The following ZNF425 variants were observed in gnomAD, a reference collection of about 807,000 sequenced individuals.
ZNF425 encodes zinc finger protein 425.
ZNF425 carries 21 observed loss-of-function variants against 17.0 expected under a neutral mutation model. That is an observed-to-expected ratio of 1.23 (90% confidence interval 0.88 to 1.78). ZNF425 has a LOEUF of 1.78. Among genes scored for constraint, ZNF425 ranks in the 40% most tolerant of loss-of-function variants. ZNF425 has a pLI of 0.00. For synonymous variants in ZNF425, 433 were observed against 384.1 expected (o/e 1.13, Z -1.49); for missense variants, 868 against 967.3 (o/e 0.90, Z 1.36).
Position 149,123,952 on chromosome 7 carries a change from A to C in ZNF425, c.18+2244T>G, listed in dbSNP as rs1381032723. On this transcript the variant is annotated intron_variant, in intron 1 of 3. Coordinates refer to ENST00000378061, the MANE Select transcript of ZNF425 (RefSeq NM_001001661.3). Reference sequence around the variant, plus strand: ...AAGCTCCGCCTCCCGGGTTCACGCCATTCTCCTGACTCAGCCTCCCGAGTA... The same window carrying C: ...AAGCTCCGCCTCCCGGGTTCACGCCCTTCTCCTGACTCAGCCTCCCGAGTA... Among the ~76,000 whole-genome samples, 3 of 137,182 alleles carry C rather than the reference A, an allele frequency of 2.2e-5. No homozygotes were observed. The Admixed American group carries it at 2.3e-4, about 11-fold the overall frequency. The allele number at this position is 137,182 out of a possible 152,430, so 90.0% of individuals were successfully genotyped here.
At chr7:149,122,243 A>G (rs1418845621) in intron 1 of ZNF425, among the ~76,000 whole-genome samples, 1 of 150,018 alleles carries the variant, frequency 6.7e-6, no homozygotes, top group East Asian at 2.0e-4. Context: ...TCTTTTGCCC[A>G]TTTTCTAATT....
chr7:149,110,740 C>T (rs984420110), intron 3 of ZNF425, among the ~76,000 whole-genome samples: 8 of 150,974 alleles, frequency 5.3e-5, no homozygotes. Flanking sequence ...ATGGACATGA[C>T]AGTGTGACAA....
At chr7:149,125,395 C>T (rs962994305) in intron 1 of ZNF425, among the ~76,000 whole-genome samples, 1 of 152,178 alleles carries the variant, frequency 6.6e-6, no homozygotes, top group Non-Finnish European at 1.5e-5. Context: ...ACGGTAAATT[C>T]GATTTACGCT....
chr7:149,124,611 G>A (rs1345240107), intron 1 of ZNF425, among the ~76,000 whole-genome samples: 2 of 151,962 alleles, frequency 1.3e-5, no homozygotes, highest in Non-Finnish European at 1.5e-5. Flanking sequence ...GCACGATCTC[G>A]GCTCACTTCA....
intron 1 of ZNF425, among the ~76,000 whole-genome samples, chr7:149,123,667 G>A (rs1446220223): frequency 2.0e-5 from 3 of 152,008 alleles, no homozygotes; most frequent in African/African-American, 7.2e-5. Context: ...GAGTAGTTGG[G>A]TTTACAGGAG....
At chr7:149,126,134 A>G (rs370530256) in intron 1 of ZNF425, 62 bp downstream of exon 1, 2 of 1,610,942 alleles carry the variant, frequency 1.2e-6, no homozygotes, top group East Asian at 2.2e-5. Context: ...GCGGACCCCA[A>G]TCCAGCTGCG....
intron 3 of ZNF425, among the ~76,000 whole-genome samples, chr7:149,106,649 T>C (rs541369231): frequency 3.9e-4 from 59 of 152,304 alleles, no homozygotes; most frequent in Non-Finnish European, 7.5e-4. Flanking sequence ...TTATATTCTT[T>C]TCACCATGTG....
intron 1 of ZNF425, among the ~76,000 whole-genome samples, chr7:149,122,977 T>G (rs1362559735): frequency 6.6e-6 from 1 of 152,142 alleles, no homozygotes; most frequent in African/African-American, 2.4e-5. Context: ...TTTACAGGTG[T>G]GAGCTACCAC....
Position 149,105,371 on chromosome 7 carries a change from T to C in ZNF425, c.500A>G (p.Lys167Arg), listed in dbSNP as rs369914259. 8.7e-6 allele frequency: 14 copies of C among 1,612,010 alleles called. No homozygotes were observed. Among genetic ancestry groups the C allele is most frequent in the Non-Finnish European group, 1.1e-5 (13 of 1,179,342 alleles). The part of the protein sequence containing the change: ...KVSITAYDPD[K>R]KDLRHKPRET... ...CCGAGGCTTATGCCGCAGGTCTTTCTTGTCTGGATCATATGCTGTGATGCT... is the reference window on the plus strand; with the variant it reads ...CCGAGGCTTATGCCGCAGGTCTTTCCTGTCTGGATCATATGCTGTGATGCT... Residue 167 changes from lysine (K) to arginine (R), a missense_variant, in exon 4 of 4, where the codon AAG (lysine) becomes AGG (arginine). Lys to Arg is a conservative substitution (Grantham distance 26, BLOSUM62 2). Transcript: ENST00000378061.
chr7:149,120,470 T>C (rs1330448378), intron 1 of ZNF425, among the ~76,000 whole-genome samples: 2 of 152,118 alleles, frequency 1.3e-5, no homozygotes, highest in African/African-American at 4.8e-5. Flanking sequence ...ATAATGTCCT[T>C]GAGATCCATC....
chr7:149,121,156 G>T (rs28817305), intron 1 of ZNF425, among the ~76,000 whole-genome samples: 1,958 of 10,110 alleles, frequency 0.19, 235 homozygotes, highest in East Asian at 1. Context: ...TGCAGTGGCG[G>T]GATCTCGGCT....
At position 149,104,170 on chromosome 7, in the gene ZNF425, G is replaced by T; in HGVS notation, c.1701C>A (p.Ala567=). The T allele has an allele frequency of 6.2e-7, 1 of 1,612,572 alleles. No homozygotes were observed. Among genetic ancestry groups the T allele is most frequent in the South Asian group, 1.1e-5 (1 of 91,004 alleles). Residue 567 remains alanine, a synonymous_variant, in exon 4 of 4, where the codon GCC becomes GCA. Coordinates refer to ENST00000378061, the MANE Select transcript of ZNF425 (RefSeq NM_001001661.3). The surrounding 1 kb of genome is among the most constrained non-coding windows in gnomAD (Gnocchi z 4.3). ...PECDKSFSWK[A]SMKFHQRMHR... ...GCATCCGCTGGTGGAACTTCATGGA[G>T]GCCTTCCAGGAGAAGCTCTTGTCGC...
At chr7:149,125,241 G>A (rs1826440901) in intron 1 of ZNF425, among the ~76,000 whole-genome samples, 1 of 152,106 alleles carries the variant, frequency 6.6e-6, no homozygotes, top group South Asian at 2.1e-4. Flanking sequence ...TTTCATTGGG[G>A]GCACAAGAAA....
chr7:149,112,102 A>G (rs982695172), intron 3 of ZNF425, 35 bp downstream of exon 3: 1 of 1,592,516 alleles, frequency 6.3e-7, no homozygotes, highest in Non-Finnish European at 8.6e-7. Context: ...CTAGGAAAAT[A>G]AAATAATTCA....
At chr7:149,123,789 C>T (rs1238910169) in intron 1 of ZNF425, among the ~76,000 whole-genome samples, 3 of 151,388 alleles carry the variant, frequency 2.0e-5, no homozygotes, top group South Asian at 4.2e-4. Flanking sequence ...GCCTCGGCCT[C>T]CCAAAGTGCT....
At chr7:149,112,046 A>T in intron 3 of ZNF425, 91 bp downstream of exon 3, 1 of 1,355,718 alleles carries the variant, frequency 7.4e-7, no homozygotes, top group Non-Finnish European at 1.0e-6. Context: ...TTTTTTATTG[A>T]CTAGATCTAG....
chr7:149,126,156 A>C (rs1826465087), intron 1 of ZNF425, 40 bp downstream of exon 1: 2 of 1,612,920 alleles, frequency 1.2e-6, no homozygotes, highest in African/African-American at 1.3e-5. Context: ...CAGGGACCCG[A>C]GTTTCGACAG....
rs1826301177 is a variant in ZNF425 at position 149,118,355 on chromosome 7, T to A, written c.19-7A>T. On this transcript the variant is annotated splice_polypyrimidine_tract_variant and splice_region_variant and intron_variant, in intron 1 of 3. Coordinates refer to ENST00000378061, the MANE Select transcript of ZNF425 (RefSeq NM_001001661.3). ...CATCAAATGTCACAGTTACCTGGAA[T>A]CACAAATAGTATACACATACATTTT... The A allele has an allele frequency of 4.3e-6, 7 of 1,614,170 alleles. 1 individual carries two copies. Among genetic ancestry groups the A allele is most frequent in the Middle Eastern group, 1.6e-4 (1 of 6,062 alleles).
At chr7:149,109,684 T>C (rs1204936978) in intron 3 of ZNF425, among the ~76,000 whole-genome samples, 1 of 152,210 alleles carries the variant, frequency 6.6e-6, no homozygotes, top group Non-Finnish European at 1.5e-5. Context: ...GCCATGTCAG[T>C]AAGACGATCA....
Sources: allele counts gnomAD v4.1 joint callset (sites outside exome capture counted in the v4.1 genomes callset), GRCh38; gene constraint gnomAD v4.1.1; non-coding constraint Gnocchi (gnomAD v3.1); transcripts MANE v1.5; gene names NCBI Gene and HGNC (gene_info 2026-07-23, HGNC 2026-07-21).